SYNDIG1: variants seen among roughly 807,000 people sequenced by gnomAD.
The protein encoded by SYNDIG1 is synapse differentiation-inducing gene protein 1.
Under a neutral mutation model 19.4 loss-of-function variants are expected in SYNDIG1, and 9 were observed. The ratio of observed to expected loss-of-function variants is 0.46; its 90% CI spans 0.28 to 0.81. SYNDIG1 has a LOEUF of 0.81. Ranked by LOEUF, SYNDIG1 falls within the 30% of genes least tolerant of loss-of-function variation. The probability of loss-of-function intolerance (pLI) is 0.12; values close to 1 mark genes in which losing one functional copy is unlikely to be tolerated. For synonymous variants in SYNDIG1, 141 were observed against 145.9 expected (o/e 0.97, Z 0.24); for missense variants, 311 against 343.3 (o/e 0.91, Z 0.74).
At chr20:24,661,491 G>GAGGAAGGAGGGAGGGA (rs2059594733) in intron 3 of SYNDIG1, among the ~76,000 whole-genome samples, 8 of 32,292 alleles carry the variant, frequency 2.5e-4, no homozygotes, top group African/African-American at 5.2e-4. Flanking sequence ...GGAGGAAGAA[G>GAGGAAGGAGGGAGGGA]GGAGGGAGGG....
At chr20:24,636,146 A>T (rs906943957) in intron 3 of SYNDIG1, among the ~76,000 whole-genome samples, 3 of 152,216 alleles carry the variant, frequency 2.0e-5, no homozygotes, top group Non-Finnish European at 4.4e-5. Context: ...ATTTGCCGGT[A>T]TATGAGACTG....
intron 1 of SYNDIG1, among the ~76,000 whole-genome samples, chr20:24,520,764 C>T (rs1294692567): frequency 6.6e-6 from 1 of 151,394 alleles, no homozygotes; most frequent in Non-Finnish European, 1.5e-5. Flanking sequence ...ACAATGTTGG[C>T]TTGTACACCA....
In SYNDIG1 at chr20:24,658,334, A is replaced by T. The variant is rs771357049; in HGVS notation, c.619-7012A>T. On this transcript the variant is annotated intron_variant, in intron 3 of 3. Transcript: ENST00000376862. The surrounding 1 kb of genome is among the most constrained non-coding windows in gnomAD (Gnocchi z 4.4). ...AAGGCAGGTAGTGACGCGGCAGGGG[A>T]CTGGAGCTCGGTGGAGTGGACTCTG... Among the ~76,000 whole-genome samples, 9 of 151,870 alleles carry T rather than the reference A, an allele frequency of 5.9e-5. No individual in the cohort carries two copies. The highest frequency in any genetic ancestry group is 1.0e-4 in the Non-Finnish European group (7 of 67,944).
chr20:24,610,829 C>G (rs6036850), intron 3 of SYNDIG1, among the ~76,000 whole-genome samples: 65,739 of 151,886 alleles, frequency 0.43, 14,812 homozygotes, highest in African/African-American at 0.53. Flanking sequence ...CCCAGGAAGA[C>G]GGAGATGGAT....
Position 24,637,811 on chromosome 20 carries a change from G to A in SYNDIG1, c.619-27535G>A, listed in dbSNP as rs191150845. ...TGGGCTGCACCCACCTAGTTGGCTG[G>A]TGTAGACCACCCTGGCTCCCTTCGA... On this transcript the variant is annotated intron_variant, in intron 3 of 3. Transcript: ENST00000376862. Among the ~76,000 whole-genome samples, 71 of 152,312 alleles carry A rather than the reference G, an allele frequency of 4.7e-4. No homozygotes were observed. In the Middle Eastern group the frequency reaches 0.02, roughly 44 times the overall value.
intron 3 of SYNDIG1, among the ~76,000 whole-genome samples, chr20:24,600,611 T>C (rs1198990259): frequency 6.7e-6 from 1 of 149,668 alleles, no homozygotes; most frequent in Non-Finnish European, 1.5e-5. Context: ...CTTTCTTTTT[T>C]TTTTTTTTTT....
intron 3 of SYNDIG1, among the ~76,000 whole-genome samples, chr20:24,633,927 G>T (rs1337425217): frequency 6.6e-6 from 1 of 152,168 alleles, no homozygotes; most frequent in Admixed American, 6.5e-5. Flanking sequence ...GCCCTCCCAG[G>T]TCACCTGCAT....
chr20:24,587,976 C>T (rs1303876913), intron 3 of SYNDIG1, among the ~76,000 whole-genome samples: 1 of 152,196 alleles, frequency 6.6e-6, no homozygotes, highest in Non-Finnish European at 1.5e-5. Flanking sequence ...AAAAACAAAA[C>T]AACATCTTAT....
intron 1 of SYNDIG1, among the ~76,000 whole-genome samples, chr20:24,536,291 T>C (rs1465827702): frequency 1.3e-5 from 2 of 152,120 alleles, no homozygotes; most frequent in Non-Finnish European, 2.9e-5. Flanking sequence ...TTCCCGTGGG[T>C]GTCAGCGCAC....
intron 1 of SYNDIG1, among the ~76,000 whole-genome samples, chr20:24,526,092 T>G (rs1265652009): frequency 1.3e-5 from 2 of 152,188 alleles, no homozygotes; most frequent in East Asian, 3.8e-4. Context: ...CTTTTACTTT[T>G]AGCGATTCCA....
intron 1 of SYNDIG1, among the ~76,000 whole-genome samples, chr20:24,532,657 G>A (rs902694174): frequency 1.3e-5 from 2 of 152,154 alleles, no homozygotes; most frequent in African/African-American, 4.8e-5. Flanking sequence ...ACTAATTAAA[G>A]TTAAAGAAAG....
intron 2 of SYNDIG1, among the ~76,000 whole-genome samples, chr20:24,548,181 C>T (rs1399402877): frequency 3.9e-5 from 6 of 152,204 alleles, no homozygotes; most frequent in African/African-American, 1.2e-4. Context: ...AGATCACACA[C>T]GTGGCTCTGC....
intron 3 of SYNDIG1, among the ~76,000 whole-genome samples, chr20:24,615,111 T>C (rs1283338930): frequency 6.6e-6 from 1 of 152,222 alleles, no homozygotes; most frequent in East Asian, 1.9e-4. Context: ...ATTAGTATCT[T>C]AAGTAGGTTA....
At chr20:24,490,305 T>A (rs2056110480) in intron 1 of SYNDIG1, among the ~76,000 whole-genome samples, 1 of 152,234 alleles carries the variant, frequency 6.6e-6, no homozygotes. Context: ...TATAGAGAGC[T>A]ATTTCACCTA....
At chr20:24,654,656 GGAAGGA>G (rs2059506200) in intron 3 of SYNDIG1, among the ~76,000 whole-genome samples, 1 of 136,996 alleles carries the variant, frequency 7.3e-6, no homozygotes, top group South Asian at 2.5e-4. Context: ...GAGGGAGGAA[GGAAGGA>G]AGGAAGGAAG....
intron 3 of SYNDIG1, among the ~76,000 whole-genome samples, chr20:24,603,833 G>A (rs2058713955): frequency 1.3e-5 from 2 of 152,174 alleles, no homozygotes; most frequent in Non-Finnish European, 2.9e-5. Context: ...GTGGATACCT[G>A]CTCCTGCAGA....
chr20:24,664,174 C>T (rs911983517), intron 3 of SYNDIG1, among the ~76,000 whole-genome samples: 9 of 152,092 alleles, frequency 5.9e-5, no homozygotes, highest in Non-Finnish European at 8.8e-5. Context: ...CTTCCCCACA[C>T]GACACAGACT....
chr20:24,471,022 T>C (rs866759060), intron 1 of SYNDIG1, among the ~76,000 whole-genome samples: 3 of 151,868 alleles, frequency 2.0e-5, no homozygotes, highest in Non-Finnish European at 4.4e-5. Flanking sequence ...TTGGAATCAG[T>C]TGGTGAGGCG....
intron 1 of SYNDIG1, among the ~76,000 whole-genome samples, chr20:24,488,596 G>T (rs568103952): frequency 1.3e-5 from 2 of 152,366 alleles, no homozygotes; most frequent in South Asian, 4.1e-4. Context: ...GAGCCAGAGG[G>T]TGTGGACACC....
Sources: gnomAD v4.1 joint callset for allele counts (sites outside exome capture counted in the v4.1 genomes callset) on GRCh38, gnomAD v4.1.1 for gene constraint, Gnocchi (gnomAD v3.1) non-coding constraint, MANE v1.5 for transcripts, NCBI Gene and HGNC (gene_info 2026-07-23, HGNC 2026-07-21) for gene names.